Variants in SMIM10L3 observed in about 807,000 individuals in gnomAD.
SMIM10L3 encodes small integral membrane protein 10 like 3.
chr7:6,337,152 G>A, the SMIM10L3 span, among the ~76,000 whole-genome samples: 3 of 151,540 alleles, frequency 2.0e-5, no homozygotes, highest in South Asian at 2.1e-4. Flanking sequence ...GCTCACTGCA[G>A]CCTCTGCTTC....
the SMIM10L3 span, chr7:6,330,251 C>A: frequency 1.1e-6 from 1 of 944,178 alleles, no homozygotes; most frequent in African/African-American, 1.7e-5. Context: ...TTTAAGTCTG[C>A]CAGGTCGTAC....
chr7:6,336,666 C>T, the SMIM10L3 span, among the ~76,000 whole-genome samples: 95 of 147,368 alleles, frequency 6.4e-4, no homozygotes, highest in Non-Finnish European at 9.8e-4. Context: ...CCTGAGAGAG[C>T]GAGCAAGACT....
the SMIM10L3 span, among the ~76,000 whole-genome samples, chr7:6,335,532 C>T: frequency 2.7e-5 from 3 of 110,598 alleles, no homozygotes; most frequent in East Asian, 2.6e-4. Flanking sequence ...CCAGCCTAGC[C>T]GTTAATATGT....
the SMIM10L3 span, chr7:6,331,040 A>G: frequency 6.2e-7 from 1 of 1,613,994 alleles, no homozygotes; most frequent in Non-Finnish European, 8.5e-7. Flanking sequence ...TCTGCAGGCC[A>G]AGGGCCCTCC....
chr7:6,332,180 A>G, the SMIM10L3 span, among the ~76,000 whole-genome samples: 1 of 151,778 alleles, frequency 6.6e-6, no homozygotes, highest in South Asian at 2.1e-4. Context: ...TGGGCATGCT[A>G]CCTAGTGCAT....
the SMIM10L3 span, among the ~76,000 whole-genome samples, chr7:6,343,627 G>A: frequency 1.2e-4 from 18 of 151,728 alleles, no homozygotes; most frequent in Admixed American, 1.1e-3. Flanking sequence ...TAAATAAGAA[G>A]GATGCTAAGA....
chr7:6,339,909 G>A, the SMIM10L3 span, among the ~76,000 whole-genome samples: 3 of 151,794 alleles, frequency 2.0e-5, no homozygotes, highest in African/African-American at 4.8e-5. Context: ...CAGGGAGCAT[G>A]AGTCTCACTC....
At chr7:6,330,310 A>T in the SMIM10L3 span, 1 of 1,468,192 alleles carries the variant, frequency 6.8e-7, no homozygotes, top group South Asian at 1.3e-5. Context: ...TCCAGACTTA[A>T]TGCGAAAGAA....
the SMIM10L3 span, among the ~76,000 whole-genome samples, chr7:6,341,166 C>G: frequency 6.8e-6 from 1 of 147,894 alleles, no homozygotes; most frequent in Non-Finnish European, 1.5e-5. Flanking sequence ...GAGTGCTGGC[C>G]AGGCACAGTG....
chr7:6,337,232 C>T, the SMIM10L3 span, among the ~76,000 whole-genome samples: 1 of 152,096 alleles, frequency 6.6e-6, no homozygotes, highest in African/African-American at 2.4e-5. Flanking sequence ...CCACCATGGC[C>T]CTGGCTGGTT....
At chr7:6,334,068 T>TCA in the SMIM10L3 span, among the ~76,000 whole-genome samples, 1 of 151,002 alleles carries the variant, frequency 6.6e-6, no homozygotes, top group Non-Finnish European at 1.5e-5. Context: ...GGATGGAATC[T>TCA]ATCTCCTGAC....
At chr7:6,348,676 A>T in the SMIM10L3 span, 1 of 493,258 alleles carries the variant, frequency 2.0e-6, no homozygotes, top group African/African-American at 2.0e-5. Context: ...CGTGCGAGTC[A>T]GCCCCTTGCA....
chr7:6,341,416 T>A, the SMIM10L3 span, among the ~76,000 whole-genome samples: 2 of 151,402 alleles, frequency 1.3e-5, no homozygotes, highest in Non-Finnish European at 2.9e-5. Flanking sequence ...TACTCCAGCC[T>A]GGGTGACAGA....
At chr7:6,330,775 C>T in the SMIM10L3 span, 854,721 of 1,613,848 alleles carry the variant, frequency 0.53, 237,434 homozygotes, top group East Asian at 0.91. Flanking sequence ...CCAGTCTCGC[C>T]GCCCCAGAGC....
At chr7:6,348,870 C>CGGCG in the SMIM10L3 span, 1,739 of 387,908 alleles carry the variant, frequency 4.5e-3, 13 homozygotes, top group African/African-American at 0.011. Flanking sequence ...GCGGCTAGAC[C>CGGCG]GGCGGGCGGG....
At chr7:6,333,646 GCAC>G in the SMIM10L3 span, among the ~76,000 whole-genome samples, 362 of 150,692 alleles carry the variant, frequency 2.4e-3, 1 homozygote, top group African/African-American at 7.4e-3. Flanking sequence ...TTACAGGCAG[GCAC>G]CACCACACCT....
the SMIM10L3 span, among the ~76,000 whole-genome samples, chr7:6,343,821 T>C: frequency 6.6e-6 from 1 of 152,076 alleles, no homozygotes; most frequent in Non-Finnish European, 1.5e-5. Flanking sequence ...CTAAACAAAT[T>C]TGGAAAATGG....
chr7:6,348,902 C>G, the SMIM10L3 span: 1 of 387,014 alleles, frequency 2.6e-6, no homozygotes, highest in South Asian at 1.4e-4. Context: ...GGAGCGGAGT[C>G]CGCACGTCAC....
At chr7:6,336,768 C>T in the SMIM10L3 span, among the ~76,000 whole-genome samples, 1 of 151,534 alleles carries the variant, frequency 6.6e-6, no homozygotes, top group African/African-American at 2.4e-5. Flanking sequence ...CATCACCTCA[C>T]CTTAGCCTCC....
Sources: gnomAD v4.1 joint callset for allele counts (sites outside exome capture counted in the v4.1 genomes callset) on GRCh38, gnomAD v4.1.1 for gene constraint, MANE v1.5 for transcripts, NCBI Gene and HGNC (gene_info 2026-07-23, HGNC 2026-07-21) for gene names.